Variants in MYL3 observed in about 807,000 individuals in gnomAD.
MYL3 encodes myosin light chain 3, also known as CMLC1.
Under a neutral mutation model 21.3 loss-of-function variants are expected in MYL3, and 11 were observed. The observed-to-expected ratio is 0.52, with a 90% CI of 0.32 to 0.85. The LOEUF (loss-of-function observed/expected upper bound fraction) is 0.85, where lower values mean the gene tolerates loss of function less well. MYL3 is among the 40% of genes least tolerant of loss of function. MYL3 has a pLI of 0.03. For missense variants in MYL3, 206 were observed against 253.3 expected, an observed-to-expected ratio of 0.81 and a Z score of 1.27; for synonymous variants, 88 against 91.6, an observed-to-expected ratio of 0.96 and a Z score of 0.22.
Position 46,874,723 on chromosome 3 carries a change from A to G in MYL3, c.-218+7351T>C, listed in dbSNP as rs927341555. Among the ~76,000 whole-genome samples, 1 of 151,960 alleles carries G rather than the reference A, an allele frequency of 6.6e-6. No individual in the cohort carries two copies. The highest frequency in any genetic ancestry group is 1.5e-5 in the Non-Finnish European group (1 of 68,036). ...CGCCTGGGAGGGGGTATTCCGAGGC[A>G]CAGACCCCCCCCCACACACACAATA... On this transcript the variant is annotated intron_variant, in intron 1 of 3. Coordinates refer to the MYL3 transcript ENST00000431168. The surrounding 1 kb of genome is among the most constrained non-coding windows in gnomAD (Gnocchi z 4.1).
intron 1 of MYL3, among the ~76,000 whole-genome samples, chr3:46,870,345 C>T (rs141163514): frequency 3.3e-4 from 50 of 152,026 alleles, no homozygotes; most frequent in African/African-American, 9.2e-4. Context: ...AAGGCAGTGC[C>T]GAGGACAGGG....
At chr3:46,858,154 G>T in intron 6 of MYL3, 53 bp from the exon 7 acceptor site, 1 of 1,503,608 alleles carries the variant, frequency 6.7e-7, no homozygotes. Context: ...GGAGGCAGCA[G>T]GATGTCAAGT....
rs1219816093 is a variant in MYL3, at chr3:46,874,800, ACT to A, written c.-218+7272_-218+7273del. Among the ~76,000 whole-genome samples the A allele has an allele frequency of 4.6e-5, 7 of 152,028 alleles. No homozygotes were observed. Among genetic ancestry groups the A allele is most frequent in the Non-Finnish European group, 8.8e-5 (6 of 68,004 alleles). ...TACAACCACTGGAGCGGGAAATCAC[ACT>A]CTACCCAGAAGGCGTCTGGGAAACA... is the stretch of plus-strand genomic sequence containing the variant. On this transcript the variant is annotated intron_variant, in intron 1 of 3. Coordinates refer to the MYL3 transcript ENST00000431168. The surrounding 1 kb of genome is among the most constrained non-coding windows in gnomAD (Gnocchi z 4.1).
upstream of MYL3, among the ~76,000 whole-genome samples, chr3:46,868,404 A>AC (rs1286119324): frequency 6.6e-6 from 1 of 151,642 alleles, no homozygotes; most frequent in East Asian, 1.9e-4. Flanking sequence ...GCCAAACACA[A>AC]CCCTCAGGCC....
chr3:46,859,408 G>T lies in MYL3; in HGVS notation c.481+67C>A. On this transcript the variant is annotated intron_variant, in intron 4 of 6. Transcript: ENST00000292327. The surrounding 1 kb of genome is among the most constrained non-coding windows in gnomAD (Gnocchi z 4.1). ...CACCAATGGGTCACAGGCCTGGGGGGCAACAGAGTGGTTTCTCCCAGGATG... is the reference window on the plus strand; with the variant it reads ...CACCAATGGGTCACAGGCCTGGGGGTCAACAGAGTGGTTTCTCCCAGGATG... 1 of 1,596,510 alleles carries T rather than the reference G, an allele frequency of 6.3e-7. No homozygotes were observed. Among genetic ancestry groups the T allele is most frequent in the Non-Finnish European group, 8.6e-7 (1 of 1,165,816 alleles).
At chr3:46,869,886 T>G (rs1022929228) in intron 1 of MYL3, among the ~76,000 whole-genome samples, 1 of 151,964 alleles carries the variant, frequency 6.6e-6, no homozygotes, top group Non-Finnish European at 1.5e-5. Flanking sequence ...TTTGAGTGGA[T>G]GGACCGACTG....
chr3:46,876,229 C>T (rs2030204272), intron 1 of MYL3, among the ~76,000 whole-genome samples: 1 of 152,228 alleles, frequency 6.6e-6, no homozygotes, highest in Non-Finnish European at 1.5e-5. Context: ...AGAAAAGGCC[C>T]CAGCCTCCTG....
chr3:46,870,395 G>A (rs1702097967), intron 1 of MYL3, among the ~76,000 whole-genome samples: 1 of 152,074 alleles, frequency 6.6e-6, no homozygotes, highest in African/African-American at 2.4e-5. Context: ...GTGACAAGAA[G>A]GCCACAGTGG....
upstream of MYL3, chr3:46,863,496 C>T: frequency 3.2e-6 from 4 of 1,250,204 alleles, no homozygotes; most frequent in South Asian, 3.9e-5. Context: ...CTCATGACCC[C>T]AGCCCCACCC....
chr3:46,877,061 G>C (rs1167999716), intron 1 of MYL3, among the ~76,000 whole-genome samples: 1 of 152,122 alleles, frequency 6.6e-6, no homozygotes, highest in Non-Finnish European at 1.5e-5. Flanking sequence ...CCTGGGCCTG[G>C]AAGGGCCTGG....
At chr3:46,875,910 C>G (rs956248365) in intron 1 of MYL3, among the ~76,000 whole-genome samples, 1 of 152,220 alleles carries the variant, frequency 6.6e-6, no homozygotes, top group African/African-American at 2.4e-5. Flanking sequence ...CTGCCATTCT[C>G]CCCCTACCTC....
At position 46,859,791 on chromosome 3, in the gene MYL3, T is replaced by C. The variant is rs1701970642; in HGVS notation, c.308-143A>G. On this transcript the variant is annotated intron_variant, in intron 3 of 6. Transcript: ENST00000292327. This position sits in a 1 kb window ranked among gnomAD's most constrained non-coding sequence, Gnocchi z 4.1. ...CAGTTCTCACAGCAGTCTACACCAG[T>C]TTGCCATTTAAAAGCAAACTACCAT... 3.9e-6 allele frequency: 4 copies of C among 1,015,040 alleles called. No individual in the cohort carries two copies. Among genetic ancestry groups the C allele is most frequent in the Non-Finnish European group, 6.1e-6 (4 of 655,208 alleles). 62.9% of individuals were successfully genotyped at this position (1,015,040 alleles called of 1,614,324 possible). A position where few individuals can be genotyped will look rare whatever the true frequency, so the allele number is the denominator to read the frequency against.
rs546418537 is a variant in MYL3, at chr3:46,858,042, G to A, written c.*73C>T. ...CCCCTCCTTCCCACGACTCCAGGCC[G>A]CTGGTGTCAGCATCACACATGGGAG... On this transcript the variant is annotated 3_prime_UTR_variant, in exon 7 of 7. Transcript: ENST00000292327. The A allele has an allele frequency of 1.2e-4, 79 of 681,266 alleles. No homozygotes were observed. The highest frequency in any genetic ancestry group is 9.9e-4 in the East Asian group (36 of 36,408). 42.2% of individuals were successfully genotyped at this position (681,266 alleles called of 1,614,324 possible). A position where few individuals can be genotyped will look rare whatever the true frequency, so the allele number is the denominator to read the frequency against.
rs1701987196 is a variant in MYL3, at chr3:46,860,984, C to G, written c.133G>C (p.Glu45Gln). ...VEFDASKIKI[E>Q]FTPEQIEEFK... Reference sequence around the variant, plus strand: ...CCTTCAATCTGCTCAGGTGTGAACTCAATCTGAAAAGAGACCCCAAAGACT... The same window carrying G: ...CCTTCAATCTGCTCAGGTGTGAACTGAATCTGAAAAGAGACCCCAAAGACT... Residue 45 changes from glutamate to glutamine, a missense_variant, in exon 2 of 7, where the codon GAG (glutamate) becomes CAG (glutamine). By Grantham distance (29) the Glu-to-Gln change is conservative. Transcript: ENST00000292327. This position sits in a 1 kb window ranked among gnomAD's most constrained non-coding sequence, Gnocchi z 4.6. 1.2e-6 allele frequency: 2 copies of G among 1,613,992 alleles called. No individual in the cohort carries two copies. Among genetic ancestry groups the G allele is most frequent in the Non-Finnish European group, 1.7e-6 (2 of 1,179,994 alleles).
intron 1 of MYL3, among the ~76,000 whole-genome samples, chr3:46,869,820 T>A (rs1702089620): frequency 6.6e-6 from 1 of 151,892 alleles, no homozygotes; most frequent in African/African-American, 2.4e-5. Flanking sequence ...GCAAGTAAAT[T>A]TAGCAGGAGA....
At chr3:46,881,789 C>G (rs1254185715) in intron 1 of MYL3, among the ~76,000 whole-genome samples, 1 of 152,010 alleles carries the variant, frequency 6.6e-6, no homozygotes, top group East Asian at 1.9e-4. Context: ...GCGGCCTCCC[C>G]AGGGACCCCG....
rs771429520 is a variant in MYL3, at chr3:46,859,517, T to C, written c.439A>G (p.Thr147Ala). ...LRVFDKEGNG[T>A]VMGAELRHVL... ...TGGCGAAGCTCAGCACCCATGACAGTGCCATTGCCCTCCTTGTCGAAGACC... is the reference window on the plus strand; with the variant it reads ...TGGCGAAGCTCAGCACCCATGACAGCGCCATTGCCCTCCTTGTCGAAGACC... The change falls in exon 4 of 7, where the codon ACT becomes GCT. Residue 147 changes from threonine to alanine, a missense_variant. Coordinates refer to ENST00000292327, the MANE Select transcript of MYL3 (RefSeq NM_000258.3). The surrounding 1 kb of genome is among the most constrained non-coding windows in gnomAD (Gnocchi z 4.1). The C allele has an allele frequency of 6.2e-7, 1 of 1,614,208 alleles. No homozygotes were observed. The highest frequency in any genetic ancestry group is 8.5e-7 in the Non-Finnish European group (1 of 1,180,044).
At position 46,858,433 on chromosome 3, in the gene MYL3, C is replaced by A. The variant is rs2106904989; in HGVS notation, c.510G>T (p.Glu170Asp). ...AGTCCTCTTGCCCAGCCATCAACTT[C>A]TCCACTTCGTCTTCTGTCAGCCTCT... is the stretch of plus-strand genomic sequence containing the variant. Reference protein sequence around the residue: ...LGERLTEDEVEKLMAGQEDSN... With the variant: ...LGERLTEDEVDKLMAGQEDSN... Residue 170 changes from glutamate (E) to aspartate (D), a missense_variant, in exon 5 of 7, where the codon GAG becomes GAT. Physicochemically the swap from Glu to Asp is conservative, Grantham distance 45. Transcript: ENST00000292327. 2 of 1,613,900 alleles carry A rather than the reference C, an allele frequency of 1.2e-6. No individual in the cohort carries two copies. Among genetic ancestry groups the A allele is most frequent in the Non-Finnish European group, 1.7e-6 (2 of 1,180,014 alleles).
upstream of MYL3, among the ~76,000 whole-genome samples, chr3:46,867,583 G>A (rs1702058385): frequency 6.6e-6 from 1 of 152,244 alleles, no homozygotes; most frequent in Admixed American, 6.5e-5. Context: ...GCCAGAGGCA[G>A]GGAAACAGGG....
Sources: allele counts gnomAD v4.1 joint callset (sites outside exome capture counted in the v4.1 genomes callset), GRCh38; gene constraint gnomAD v4.1.1; non-coding constraint Gnocchi (gnomAD v3.1); transcripts MANE v1.5; gene names NCBI Gene and HGNC (gene_info 2026-07-23, HGNC 2026-07-21).